NCBP1: variants seen among roughly 807,000 people sequenced by gnomAD.
The protein encoded by NCBP1 is nuclear cap binding protein subunit 1, also known as nuclear cap-binding protein subunit 1.
Under a neutral mutation model 111.7 loss-of-function variants are expected in NCBP1, and 16 were observed. The ratio of observed to expected loss-of-function variants is 0.14; its 90% CI spans 0.10 to 0.22. The LOEUF is 0.22. NCBP1 is among the 10% of genes least tolerant of loss of function. The pLI is 1.00. For synonymous variants in NCBP1, 304 were observed against 314.3 expected (o/e 0.97, Z 0.35); for missense variants, 607 against 957.5 (o/e 0.63, Z 4.83).
chr9:97,641,044 A>G (rs919976911), intron 2 of NCBP1, among the ~76,000 whole-genome samples, 162 bp downstream of exon 2: 3 of 152,160 alleles, frequency 2.0e-5, no homozygotes. Context: ...CCTGGGATGT[A>G]GATAATTGAT....
rs1828019624 is a variant in NCBP1, at chr9:97,666,880, A to C, written c.2016+3A>C. On this transcript the variant is annotated splice_donor_region_variant and intron_variant, in intron 20 of 22. Transcript: ENST00000375147. Reference sequence around the variant, plus strand: ...AACTTGCTAGGCAACACAAACGGGTAAGTTTTGTGTAAACTTGTAAGTAGT... The same window carrying C: ...AACTTGCTAGGCAACACAAACGGGTCAGTTTTGTGTAAACTTGTAAGTAGT... 6.3e-7 allele frequency: 1 copy of C among 1,578,238 alleles called. No homozygotes were observed. Among genetic ancestry groups the C allele is most frequent in the Admixed American group, 1.8e-5 (1 of 55,552 alleles).
At chr9:97,655,321 C>T (rs1827619408) in intron 12 of NCBP1, among the ~76,000 whole-genome samples, 1 of 152,176 alleles carries the variant, frequency 6.6e-6, no homozygotes, top group Non-Finnish European at 1.5e-5. Context: ...AGCAATCCTC[C>T]TGCCTTAGTC....
chr9:97,640,699 C>A, intron 1 of NCBP1, 95 bp from the exon 2 acceptor site: 2 of 924,392 alleles, frequency 2.2e-6, no homozygotes, highest in South Asian at 3.4e-5. Context: ...AAACATAGGG[C>A]CTGGTAGAAA....
chr9:97,644,206 T>C (rs916910889), intron 4 of NCBP1, among the ~76,000 whole-genome samples: 1 of 152,170 alleles, frequency 6.6e-6, no homozygotes, highest in Non-Finnish European at 1.5e-5. Context: ...TCAAAAAAGT[T>C]TGGACACCCA....
intron 10 of NCBP1, 95 bp from the exon 11 acceptor site, chr9:97,653,703 T>C (rs1827561275): frequency 2.5e-6 from 2 of 811,800 alleles, no homozygotes; most frequent in Admixed American, 2.7e-5. Context: ...ATGAATGCCA[T>C]GGAGTTAGAG....
chr9:97,633,848 G>C lies in NCBP1; in HGVS notation c.-34G>C. ...ACAGTTCCTGCAGCGCTTACCGCCT[G>C]GCCTCTCGGTTCCGCGGCGCACCGG... On this transcript the variant is annotated 5_prime_UTR_variant, in exon 1 of 23. Coordinates refer to ENST00000375147, the MANE Select transcript of NCBP1 (RefSeq NM_002486.5). 1 of 1,570,882 alleles carries C rather than the reference G, an allele frequency of 6.4e-7. No individual in the cohort carries two copies. Among genetic ancestry groups the C allele is most frequent in the Non-Finnish European group, 8.6e-7 (1 of 1,165,238 alleles).
chr9:97,661,262 A>G (rs1001395194), intron 16 of NCBP1, among the ~76,000 whole-genome samples, 194 bp downstream of exon 16: 1 of 152,188 alleles, frequency 6.6e-6, no homozygotes, highest in Non-Finnish European at 1.5e-5. Flanking sequence ...GATATAGCTT[A>G]CTTAAGAATA....
In NCBP1 at chr9:97,663,034, G is replaced by A. The variant is rs1240332038; in HGVS notation, c.1784G>A (p.Arg595Lys). 6.2e-7 allele frequency: 1 copy of A among 1,610,176 alleles called. No individual in the cohort carries two copies. The highest frequency in any genetic ancestry group is 8.5e-7 in the Non-Finnish European group (1 of 1,178,074). The change falls in exon 18 of 23, where the codon AGG (arginine) becomes AAG (lysine). Residue 595 changes from arginine (R) to lysine (K), a missense_variant. Physicochemically the swap from Arg to Lys is conservative, Grantham distance 26. This residue lies in a region of NCBP1 where 282 missense variants were observed against 376.5 expected (regional missense o/e 0.75). Coordinates refer to ENST00000375147, the MANE Select transcript of NCBP1 (RefSeq NM_002486.5). ...CTAAGAGTTATGTTTGAGGTCTGGA[G>A]GAACCATCCACAGGTAAAAATTATT... Reference protein sequence around the residue: ...HVLRVMFEVWRNHPQMIAVLV... With the variant: ...HVLRVMFEVWKNHPQMIAVLV...
chr9:97,640,762 T>C, intron 1 of NCBP1, 32 bp from the exon 2 acceptor site: 1 of 1,519,134 alleles, frequency 6.6e-7, no homozygotes, highest in Non-Finnish European at 9.0e-7. Flanking sequence ...AGATTTATCA[T>C]GTAATGTTAA....
At chr9:97,646,797 G>GC (rs905351717) in intron 6 of NCBP1, among the ~76,000 whole-genome samples, 1 of 133,842 alleles carries the variant, frequency 7.5e-6, no homozygotes, top group African/African-American at 2.8e-5. Flanking sequence ...ACATGGTGCC[G>GC]CCACTGCACT....
rs1463871191 is a variant in NCBP1 at position 97,673,679 on chromosome 9, C to T, written c.*2480C>T. On this transcript the variant is annotated 3_prime_UTR_variant, in exon 23 of 23. Transcript: ENST00000375147. ...AGACAAAAGATGGCATGTCACTGTACATCATACCTTGCAATAAATATTCTG... is the reference window on the plus strand; with the variant it reads ...AGACAAAAGATGGCATGTCACTGTATATCATACCTTGCAATAAATATTCTG... The T allele has an allele frequency of 6.6e-6, 1 of 152,206 alleles. No individual in the cohort carries two copies. Among genetic ancestry groups the T allele is most frequent in the Non-Finnish European group, 1.5e-5 (1 of 68,036 alleles). The allele number at this position is 152,206 out of a possible 1,614,324, so 9.4% of individuals were successfully genotyped here.
chr9:97,648,233 C>T lies in NCBP1; in HGVS notation c.897+10C>T, dbSNP rs370428030. 7.5e-5 allele frequency: 121 copies of T among 1,611,824 alleles called. No individual in the cohort carries two copies. Among genetic ancestry groups the T allele is most frequent in the Admixed American group, 2.3e-4 (14 of 59,976 alleles). On this transcript the variant is annotated intron_variant, in intron 8 of 22. Transcript: ENST00000375147. ...CACAGATGATCCCGAGGTAAGTGACCGACTAAAAGTCCTAGATATTGACCT... is the reference window on the plus strand; with the variant it reads ...CACAGATGATCCCGAGGTAAGTGACTGACTAAAAGTCCTAGATATTGACCT...
chr9:97,643,333 A>G lies in NCBP1; in HGVS notation c.354A>G (p.Ala118=). The change falls in exon 4 of 23, where the codon GCA becomes GCG. Residue 118 remains alanine, a synonymous_variant. Coordinates refer to ENST00000375147, the MANE Select transcript of NCBP1 (RefSeq NM_002486.5). ...MIRQLKESLK[A]NNYNEAVYLV... The stretch of plus-strand genomic sequence containing the variant: ...GTCAACTTAAAGAATCATTGAAAGC[A>G]AACAATTATAATGAAGCCGTGTATT... 6.2e-7 allele frequency: 1 copy of G among 1,605,586 alleles called. No individual in the cohort carries two copies. Among genetic ancestry groups the G allele is most frequent in the Non-Finnish European group, 8.5e-7 (1 of 1,177,476 alleles).
At chr9:97,635,414 CTT>C (rs5899316) in intron 1 of NCBP1, among the ~76,000 whole-genome samples, 14 of 141,920 alleles carry the variant, frequency 9.9e-5, no homozygotes, top group Admixed American at 1.4e-4. Flanking sequence ...AATTCCCTCC[CTT>C]TTTTTTTTTT....
chr9:97,653,282 G>C, intron 10 of NCBP1, among the ~76,000 whole-genome samples: 1 of 152,000 alleles, frequency 6.6e-6, no homozygotes, highest in East Asian at 1.9e-4. Context: ...CACCACACCT[G>C]GCTAATTTTT....
chr9:97,666,824 A>T lies in NCBP1; in HGVS notation c.1963A>T (p.Ile655Phe), dbSNP rs781352322. The T allele has an allele frequency of 6.2e-7, 1 of 1,610,772 alleles. No homozygotes were observed. The highest frequency in any genetic ancestry group is 8.5e-7 in the Non-Finnish European group (1 of 1,178,930). ...TAAGATGAACAAACATGTCCTGAAG[A>T]TCCAGAAAGAGCTGGAAGAAGCTAA... Reference protein sequence around the residue: ...IRKMNKHVLKIQKELEEAKEK... With the variant: ...IRKMNKHVLKFQKELEEAKEK... Residue 655 changes from isoleucine to phenylalanine, a missense_variant, in exon 20 of 23, where the codon ATC becomes TTC. By Grantham distance (21) the Ile-to-Phe change is conservative (BLOSUM62 0). Around this residue, in one of 9 missense-constraint regions of NCBP1, gnomAD observed 282 missense variants for 376.5 expected, o/e 0.75. Coordinates refer to ENST00000375147, the MANE Select transcript of NCBP1 (RefSeq NM_002486.5).
At chr9:97,635,492 C>T (rs1406676672) in intron 1 of NCBP1, among the ~76,000 whole-genome samples, 2 of 151,052 alleles carry the variant, frequency 1.3e-5, no homozygotes, top group African/African-American at 4.9e-5. Context: ...CTTACTGCAA[C>T]CTCCGCCTCT....
At chr9:97,664,549 A>C in intron 19 of NCBP1, 106 bp downstream of exon 19, 1 of 701,028 alleles carries the variant, frequency 1.4e-6, no homozygotes, top group Non-Finnish European at 2.4e-6. Context: ...TGATATTAAT[A>C]TACTAATGGT....
chr9:97,658,559 A>G (rs1351677072), intron 14 of NCBP1, 81 bp from the exon 15 acceptor site: 4 of 1,063,170 alleles, frequency 3.8e-6, no homozygotes, highest in African/African-American at 1.6e-5. Flanking sequence ...GTTGGAGATC[A>G]TGACTTTCCA....
Sources: allele counts gnomAD v4.1 joint callset (sites outside exome capture counted in the v4.1 genomes callset), GRCh38; gene constraint gnomAD v4.1.1; regional missense constraint gnomAD v4.1.1; transcripts MANE v1.5; gene names NCBI Gene and HGNC (gene_info 2026-07-23, HGNC 2026-07-21).